The following MYO16 variants were observed in gnomAD, a reference collection of about 807,000 sequenced individuals.
MYO16 encodes the protein unconventional myosin-XVI.
MYO16 carries 94 observed loss-of-function variants against 205.3 expected under a neutral mutation model. That is an observed-to-expected ratio of 0.46 (90% CI 0.39 to 0.54). The LOEUF is 0.54. Among genes scored for constraint, MYO16 ranks in the 20% least tolerant of loss-of-function variants. The pLI is 0.00. For synonymous variants in MYO16, 988 were observed against 954.0 expected (o/e 1.04, Z -0.66); for missense variants, 2,315 against 2,387.5 (o/e 0.97, Z 0.63).
intron 4 of MYO16, among the ~76,000 whole-genome samples, chr13:108,782,107 A>G (rs1038847283): frequency 6.6e-6 from 1 of 152,194 alleles, no homozygotes; most frequent in Non-Finnish European, 1.5e-5. Flanking sequence ...CAGAGGTTGG[A>G]GCAATTTGGA....
At chr13:108,664,364 T>C (rs978351249) in intron 1 of MYO16, among the ~76,000 whole-genome samples, 4 of 152,226 alleles carry the variant, frequency 2.6e-5, no homozygotes, top group African/African-American at 9.6e-5. Context: ...TTTTTTATTC[T>C]GTTTGTCTAA....
intron 2 of MYO16, among the ~76,000 whole-genome samples, chr13:108,708,700 G>A (rs79946559): frequency 0.017 from 2,562 of 152,300 alleles, 34 homozygotes; most frequent in East Asian, 0.065. Context: ...CACTGTGGTG[G>A]AGATTGTGTG....
At chr13:109,007,670 T>C (rs1158476458) in intron 21 of MYO16, among the ~76,000 whole-genome samples, 2 of 151,890 alleles carry the variant, frequency 1.3e-5, no homozygotes, top group Non-Finnish European at 2.9e-5. Flanking sequence ...AGTTATGGTA[T>C]AGTTTTTTAA....
intron 9 of MYO16, among the ~76,000 whole-genome samples, chr13:108,826,188 T>C (rs1347922179): frequency 6.6e-6 from 1 of 152,074 alleles, no homozygotes; most frequent in African/African-American, 2.4e-5. Flanking sequence ...TTAAAATCTA[T>C]AGTAACTAAG....
chr13:109,102,245 A>G (rs1888989914), intron 28 of MYO16, among the ~76,000 whole-genome samples: 1 of 152,112 alleles, frequency 6.6e-6, no homozygotes, highest in South Asian at 2.1e-4. Context: ...ACTAACCAAA[A>G]GTGATGTCTG....
At chr13:109,199,976 T>A (rs898442192) in intron 34 of MYO16, among the ~76,000 whole-genome samples, 1 of 152,222 alleles carries the variant, frequency 6.6e-6, no homozygotes, top group Admixed American at 6.5e-5. Context: ...TTCATGATTG[T>A]ATTTGTTTGC....
chr13:108,964,905 A>C lies in MYO16; in HGVS notation c.2369+3A>C. 6.2e-7 allele frequency: 1 copy of C among 1,614,026 alleles called. No individual in the cohort carries two copies. Among genetic ancestry groups the C allele is most frequent in the Non-Finnish European group, 8.5e-7 (1 of 1,179,928 alleles). ...CACAGTCAAGATGAACAGAAAAGGT[A>C]GGAGTTGATGGATGTTCGGTTCTGT... On this transcript the variant is annotated splice_donor_region_variant and intron_variant, in intron 20 of 34. Coordinates refer to ENST00000457511, the MANE Select transcript of MYO16 (RefSeq NM_001198950.3).
At chr13:108,540,675 G>A in the MYO16 span, among the ~76,000 whole-genome samples, 2 of 152,042 alleles carry the variant, frequency 1.3e-5, no homozygotes, top group Non-Finnish European at 2.9e-5. Flanking sequence ...AGTTCCTTAG[G>A]TAGGAATACA....
chr13:109,179,073 C>T (rs1191294266), intron 33 of MYO16, among the ~76,000 whole-genome samples: 1 of 152,150 alleles, frequency 6.6e-6, no homozygotes, highest in Non-Finnish European at 1.5e-5. Flanking sequence ...TGAACTACAG[C>T]CAGTGGAATT....
At chr13:108,624,868 A>G (rs1319241018), upstream of MYO16, among the ~76,000 whole-genome samples, 1 of 150,180 alleles carries the variant, frequency 6.7e-6, no homozygotes, top group African/African-American at 2.5e-5. Context: ...TGTATTTGCT[A>G]TTATATTAAT....
chr13:109,206,988 G>T lies in MYO16; in HGVS notation c.*152G>T. 1 of 398,704 alleles carries T rather than the reference G, an allele frequency of 2.5e-6. No homozygotes were observed. The highest frequency in any genetic ancestry group is 4.5e-6 in the Non-Finnish European group (1 of 222,978). The allele number at this position is 398,704 out of a possible 1,614,324, so 24.7% of individuals were successfully genotyped here. A position where few individuals can be genotyped will look rare whatever the true frequency, so the allele number is the denominator to read the frequency against. ...ACAGACACTAAATATATGAGATCCC[G>T]TGTGTGTGTGTGTGTGTTTGTGTGT... On this transcript the variant is annotated 3_prime_UTR_variant, in exon 35 of 35. Transcript: ENST00000457511.
At chr13:108,996,707 A>G (rs1176121717) in intron 21 of MYO16, among the ~76,000 whole-genome samples, 1 of 152,214 alleles carries the variant, frequency 6.6e-6, no homozygotes, top group African/African-American at 2.4e-5. Flanking sequence ...GGAGGTTATT[A>G]CATTATTCCC....
chr13:108,963,763 C>T (rs1291133016), intron 19 of MYO16, among the ~76,000 whole-genome samples: 1 of 152,156 alleles, frequency 6.6e-6, no homozygotes, highest in African/African-American at 2.4e-5. Flanking sequence ...ACATTGAGCT[C>T]ACTATTAGTA....
intron 1 of MYO16, among the ~76,000 whole-genome samples, chr13:108,660,814 A>T: frequency 6.6e-6 from 1 of 152,112 alleles, no homozygotes; most frequent in East Asian, 1.9e-4. Flanking sequence ...TGCTTACATC[A>T]TGCTTGTTGT....
chr13:108,586,722 A>G, the MYO16 span, among the ~76,000 whole-genome samples: 1 of 152,232 alleles, frequency 6.6e-6, no homozygotes, highest in African/African-American at 2.4e-5. Flanking sequence ...ACTGGTTATT[A>G]TGATATAACA....
At chr13:108,954,350 A>G (rs1042684765) in intron 16 of MYO16, among the ~76,000 whole-genome samples, 10 of 152,196 alleles carry the variant, frequency 6.6e-5, no homozygotes, top group Admixed American at 1.3e-4. Context: ...GCAATGATCA[A>G]GTAAGTCAGA....
chr13:108,979,857 ATAACTT>A (rs1293681291), intron 20 of MYO16, among the ~76,000 whole-genome samples: 1 of 152,210 alleles, frequency 6.6e-6, no homozygotes, highest in Non-Finnish European at 1.5e-5. Context: ...ATACTTAAAA[ATAACTT>A]TAAATTATCA....
intron 4 of MYO16, among the ~76,000 whole-genome samples, chr13:108,768,816 C>T (rs768978810): frequency 7.2e-5 from 11 of 152,036 alleles, no homozygotes; most frequent in Non-Finnish European, 1.6e-4. Context: ...TTAAAATTGA[C>T]AAGTACTTTT....
chr13:108,893,191 AATC>A (rs1880251632), intron 14 of MYO16, among the ~76,000 whole-genome samples: 1 of 152,220 alleles, frequency 6.6e-6, no homozygotes, highest in Admixed American at 6.5e-5. Flanking sequence ...TATATCTGTA[AATC>A]ATCCGAGTAT....
Sources: allele counts gnomAD v4.1 joint callset (sites outside exome capture counted in the v4.1 genomes callset), GRCh38; gene constraint gnomAD v4.1.1; transcripts MANE v1.5; gene names NCBI Gene and HGNC (gene_info 2026-07-23, HGNC 2026-07-21).